The following ANKS1B variants were observed in gnomAD, a reference collection of about 807,000 sequenced individuals.
ANKS1B encodes the protein ankyrin repeat and sterile alpha motif domain-containing protein 1B.
A neutral mutation model predicts 148.3 loss-of-function variants in ANKS1B; 36 were observed. That is an observed-to-expected ratio of 0.24 (90% CI 0.19 to 0.32). The LOEUF (loss-of-function observed/expected upper bound fraction) is 0.32, where lower values mean the gene tolerates loss of function less well. Ranked by LOEUF, ANKS1B falls within the 10% of genes least tolerant of loss-of-function variation. The pLI is 1.00. For synonymous variants in ANKS1B, 542 were observed against 560.8 expected (o/e 0.97, Z 0.47); for missense variants, 1,157 against 1,542.6 (o/e 0.75, Z 4.19).
intron 10 of ANKS1B, among the ~76,000 whole-genome samples, chr12:99,484,088 G>A (rs2096454358): frequency 6.6e-6 from 1 of 151,882 alleles, no homozygotes; most frequent in Non-Finnish European, 1.5e-5. Context: ...TACAACATAA[G>A]GTTGTTAAAA....
At chr12:99,756,907 A>T (rs367613483) in intron 8 of ANKS1B, among the ~76,000 whole-genome samples, 3 of 152,264 alleles carry the variant, frequency 2.0e-5, no homozygotes, top group East Asian at 1.9e-4. Context: ...CAGAAAACTG[A>T]AACTGTACCC....
chr12:99,884,821 G>T (rs190931542), intron 1 of ANKS1B, among the ~76,000 whole-genome samples: 1 of 152,126 alleles, frequency 6.6e-6, no homozygotes, highest in African/African-American at 2.4e-5. Context: ...CATTGTGATG[G>T]TGGTTACACG....
intron 14 of ANKS1B, chr12:99,155,224 TTTAAATGGAGCAC>T: frequency 1.0e-6 from 1 of 985,634 alleles, no homozygotes; most frequent in South Asian, 1.9e-5. Context: ...CTTCTTCCTT[TTTAAATGGAGCAC>T]AGATAAACGT....
intron 17 of ANKS1B, among the ~76,000 whole-genome samples, chr12:98,908,640 T>C (rs1238800011): frequency 6.6e-6 from 1 of 152,188 alleles, no homozygotes; most frequent in Non-Finnish European, 1.5e-5. Flanking sequence ...AAGAAATCTT[T>C]TGGTAAGCTG....
chr12:98,981,551 G>A (rs1474704006), intron 17 of ANKS1B, among the ~76,000 whole-genome samples: 1 of 152,050 alleles, frequency 6.6e-6, no homozygotes, highest in Non-Finnish European at 1.5e-5. Flanking sequence ...GGCCAGGCTG[G>A]TCTCAAACTC....
At chr12:99,110,298 T>C (rs1457646478) in intron 15 of ANKS1B, among the ~76,000 whole-genome samples, 5 of 152,128 alleles carry the variant, frequency 3.3e-5, no homozygotes, top group African/African-American at 1.2e-4. Flanking sequence ...CACGGTAAAA[T>C]AAATTAGATT....
At chr12:99,901,670 C>T in intron 1 of ANKS1B, among the ~76,000 whole-genome samples, 1 of 152,192 alleles carries the variant, frequency 6.6e-6, no homozygotes, top group East Asian at 1.9e-4. Context: ...CTCCACTCAA[C>T]AAAGCCAAAA....
At chr12:99,965,158 G>A (rs2095469773) in intron 1 of ANKS1B, among the ~76,000 whole-genome samples, 1 of 152,044 alleles carries the variant, frequency 6.6e-6, no homozygotes, top group South Asian at 2.1e-4. Flanking sequence ...CCAATAAAAG[G>A]AACCAGGCCA....
intron 13 of ANKS1B, 64 bp downstream of exon 13, chr12:99,246,207 ATCCT>A: frequency 2.4e-6 from 3 of 1,259,248 alleles, no homozygotes; most frequent in Non-Finnish European, 2.1e-6. Context: ...AAAGCTGAAA[ATCCT>A]TCCCCCAAAC....
chr12:99,481,939 G>A (rs1238358373), intron 10 of ANKS1B, among the ~76,000 whole-genome samples: 2 of 151,836 alleles, frequency 1.3e-5, no homozygotes, highest in African/African-American at 4.8e-5. Context: ...CTAGTCCTTT[G>A]TCGGATGCAC....
At chr12:99,630,153 A>G (rs561471863) in intron 9 of ANKS1B, among the ~76,000 whole-genome samples, 1 of 152,328 alleles carries the variant, frequency 6.6e-6, no homozygotes, top group African/African-American at 2.4e-5. Context: ...AAATATAGAA[A>G]TATGAAGCAT....
At chr12:99,537,785 G>T (rs977788566) in intron 9 of ANKS1B, among the ~76,000 whole-genome samples, 2 of 151,908 alleles carry the variant, frequency 1.3e-5, no homozygotes, top group Non-Finnish European at 2.9e-5. Flanking sequence ...TTCCATTTTT[G>T]CTGTGGTTGT....
Position 99,154,844 on chromosome 12 carries a change from C to G in ANKS1B, c.2420-449G>C. The G allele has an allele frequency of 4.6e-6, 7 of 1,528,716 alleles. No homozygotes were observed. The South Asian group carries it at 4.8e-5, about 11-fold the overall frequency. 94.7% of individuals were successfully genotyped at this position (1,528,716 alleles called of 1,614,324 possible). A position where few individuals can be genotyped will look rare whatever the true frequency, so the allele number is the denominator to read the frequency against. On this transcript the variant is annotated intron_variant, in intron 14 of 26. Coordinates refer to ENST00000683438, the MANE Select transcript of ANKS1B (RefSeq NM_001352186.2). ...TGCAGCTCCATGCTCCTTGCTCCCC[C>G]TCGCTCGCTCCCCTTCATTACCCAG...
chr12:99,520,827 G>A lies in ANKS1B; in HGVS notation c.1273-16186C>T, dbSNP rs11612768. Among the ~76,000 whole-genome samples the A allele has an allele frequency of 9.5e-3, 1,447 of 151,844 alleles. 8 individuals carry two copies. Among genetic ancestry groups the A allele is most frequent in the Non-Finnish European group, 0.016 (1,073 of 67,940 alleles). ...TTTTGTTTTCTTGAGATGGAGTTTCGCTCTTGTTGCCCAGGCTGAAGTGCA... is the reference window on the plus strand; with the variant it reads ...TTTTGTTTTCTTGAGATGGAGTTTCACTCTTGTTGCCCAGGCTGAAGTGCA... On this transcript the variant is annotated intron_variant, in intron 9 of 26. Transcript: ENST00000683438.
rs186806670 is a variant in ANKS1B at position 99,294,351 on chromosome 12, G to A, written c.1757-47487C>T. Among the ~76,000 whole-genome samples, 305 of 152,304 alleles carry A rather than the reference G, an allele frequency of 2.0e-3. 1 individual carries two copies. Among genetic ancestry groups the A allele is most frequent in the Admixed American group, 4.4e-3 (67 of 15,292 alleles). On this transcript the variant is annotated intron_variant, in intron 12 of 26. Transcript: ENST00000683438. ...TGTAGTACTATTCAGCCATAAAAAA[G>A]AATGTGATCCTGTCATTTGCAACAA...
At chr12:99,726,086 A>G (rs1181944780) in intron 8 of ANKS1B, among the ~76,000 whole-genome samples, 1 of 152,212 alleles carries the variant, frequency 6.6e-6, no homozygotes, top group Non-Finnish European at 1.5e-5. Flanking sequence ...GAGCTAGAGA[A>G]GCAAGAGCAA....
intron 9 of ANKS1B, among the ~76,000 whole-genome samples, chr12:99,510,717 G>A (rs144515975): frequency 0.029 from 4,429 of 152,084 alleles, 92 homozygotes; most frequent in South Asian, 0.088. Context: ...GGCAGGGTTT[G>A]AGAGGATTGA....
intron 10 of ANKS1B, among the ~76,000 whole-genome samples, chr12:99,461,799 C>T (rs1490031402): frequency 6.6e-6 from 1 of 152,158 alleles, no homozygotes; most frequent in African/African-American, 2.4e-5. Context: ...TAATTCTATT[C>T]AGATTACCAT....
In ANKS1B at chr12:99,143,757, A is replaced by AGT. The variant is rs1266081812; in HGVS notation, c.2526+10531_2526+10532insAC. Among the ~76,000 whole-genome samples, 19 of 152,150 alleles carry AGT rather than the reference A, an allele frequency of 1.2e-4. No homozygotes were observed. In the South Asian group the frequency reaches 2.7e-3, roughly 22 times the overall value. On this transcript the variant is annotated intron_variant, in intron 15 of 26. Transcript: ENST00000683438. ...AAAGTTTCCTTAGTCTAGACTGCTT[A>AGT]ATATCTGTATAAGGCCATTTTTTTC...
Sources: gnomAD v4.1 joint callset for allele counts (sites outside exome capture counted in the v4.1 genomes callset) on GRCh38, gnomAD v4.1.1 for gene constraint, MANE v1.5 for transcripts, NCBI Gene and HGNC (gene_info 2026-07-23, HGNC 2026-07-21) for gene names.